Variants in B4GALT6 observed in about 807,000 individuals in gnomAD.
B4GALT6 encodes the protein beta-1,4-galactosyltransferase 6, also known as UDP-Gal:beta-GlcNAc beta-1,4-galactosyltransferase 6.
B4GALT6 carries 14 observed loss-of-function variants against 46.3 expected under a neutral mutation model. The observed-to-expected ratio is 0.30, with a 90% confidence interval of 0.20 to 0.47. The LOEUF is 0.47. Ranked by LOEUF, B4GALT6 falls within the 20% of genes least tolerant of loss-of-function variation. The pLI, the probability that B4GALT6 is intolerant of heterozygous loss-of-function variation, is 0.99. For missense variants in B4GALT6, 386 were observed against 480.1 expected (o/e 0.80, Z 1.83); for synonymous variants, 168 against 162.0 (o/e 1.04, Z -0.28).
At chr18:31,704,743 T>C in the B4GALT6 span, among the ~76,000 whole-genome samples, 1 of 151,980 alleles carries the variant, frequency 6.6e-6, no homozygotes, top group South Asian at 2.1e-4. Flanking sequence ...CATGGAAGAG[T>C]TTTTTTCATA....
chr18:31,685,746 A>G, upstream of B4GALT6: 1 of 152,272 alleles, frequency 6.6e-6, no homozygotes, highest in South Asian at 2.1e-4. Flanking sequence ...GGAAAAGGGC[A>G]TCTCCAAAAG....
chr18:31,632,963 C>T (rs1791169), intron 5 of B4GALT6, among the ~76,000 whole-genome samples: 56,599 of 151,834 alleles, frequency 0.37, 10,708 homozygotes, highest in Middle Eastern at 0.49. Context: ...GTCTTCATTC[C>T]CTAAATCACC....
chr18:31,680,932 C>G (rs1237799206), intron 1 of B4GALT6, among the ~76,000 whole-genome samples: 2 of 152,216 alleles, frequency 1.3e-5, no homozygotes, highest in African/African-American at 4.8e-5. Context: ...TGACTAGGAT[C>G]CCTTTGCTCA....
chr18:31,673,839 G>C (rs1200971874), intron 1 of B4GALT6, among the ~76,000 whole-genome samples: 1 of 152,106 alleles, frequency 6.6e-6, no homozygotes, highest in Non-Finnish European at 1.5e-5. Flanking sequence ...GAGATGAGGA[G>C]ATCATCCTGG....
the B4GALT6 span, among the ~76,000 whole-genome samples, chr18:31,703,406 A>C: frequency 6.6e-6 from 1 of 152,172 alleles, no homozygotes; most frequent in East Asian, 1.9e-4. Flanking sequence ...AGAAAAGCCA[A>C]CCACATCTAC....
chr18:31,679,895 C>A (rs1466330157), intron 1 of B4GALT6, among the ~76,000 whole-genome samples: 9 of 152,222 alleles, frequency 5.9e-5, no homozygotes, highest in African/African-American at 2.2e-4. Context: ...ATCCATTCAA[C>A]TCTGCCCTGA....
chr18:31,678,082 T>A (rs1225713247), intron 1 of B4GALT6, among the ~76,000 whole-genome samples: 1 of 152,144 alleles, frequency 6.6e-6, no homozygotes, highest in Non-Finnish European at 1.5e-5. Context: ...GAGGAGCAGG[T>A]CTGCCCTTTT....
rs141969960 is a variant in B4GALT6, at chr18:31,625,971, C to A, written c.1002-210G>T. 6.6e-5 allele frequency among the ~76,000 whole-genome samples: 10 copies of A among 152,216 alleles called. No homozygotes were observed. The East Asian group carries it at 1.9e-3, about 29-fold the overall frequency. ...AATGCCACCTGAAAAAATTATTTTG[C>A]ACTTTTACAATTAGACATCTTTAAT... On this transcript the variant is annotated intron_variant, in intron 8 of 8. Transcript: ENST00000306851.
At chr18:31,709,414 T>G in the B4GALT6 span, among the ~76,000 whole-genome samples, 1 of 144,786 alleles carries the variant, frequency 6.9e-6, no homozygotes, top group Non-Finnish European at 1.5e-5. Context: ...TATGTGACAA[T>G]GAACATTCTG....
intron 3 of B4GALT6, among the ~76,000 whole-genome samples, chr18:31,656,248 A>G (rs1241882017): frequency 6.6e-6 from 1 of 152,218 alleles, no homozygotes; most frequent in East Asian, 1.9e-4. Context: ...AATTTCCTCA[A>G]TTAAAAAAGC....
At chr18:31,683,110 A>G (rs1395928027) in intron 1 of B4GALT6, among the ~76,000 whole-genome samples, 2 of 152,234 alleles carry the variant, frequency 1.3e-5, no homozygotes, top group African/African-American at 4.8e-5. Flanking sequence ...GAGTTTATAC[A>G]CCTCACTGAA....
chr18:31,642,861 T>G (rs2073947549), intron 4 of B4GALT6, among the ~76,000 whole-genome samples: 1 of 152,174 alleles, frequency 6.6e-6, no homozygotes, highest in Non-Finnish European at 1.5e-5. Flanking sequence ...ATTTTTTTAT[T>G]TTTAGTAGAG....
chr18:31,675,324 C>G (rs1252952817), intron 1 of B4GALT6, among the ~76,000 whole-genome samples: 5 of 152,198 alleles, frequency 3.3e-5, no homozygotes, highest in Admixed American at 3.3e-4. Context: ...TATTGAGTGT[C>G]TGCCGTTTAC....
At chr18:31,628,900 A>G (rs1005867785) in intron 6 of B4GALT6, among the ~76,000 whole-genome samples, 1 of 152,198 alleles carries the variant, frequency 6.6e-6, no homozygotes. Flanking sequence ...CTTTTTCAAT[A>G]AAAGTTACAT....
the B4GALT6 span, among the ~76,000 whole-genome samples, chr18:31,706,373 G>A: frequency 6.6e-6 from 1 of 152,152 alleles, no homozygotes; most frequent in Admixed American, 6.5e-5. Context: ...CCTCATGCCT[G>A]TAATCCCAGC....
chr18:31,714,968 A>C, the B4GALT6 span, among the ~76,000 whole-genome samples: 1 of 152,218 alleles, frequency 6.6e-6, no homozygotes, highest in East Asian at 1.9e-4. Context: ...TTCCCAGTTA[A>C]ATCTGAGCTT....
At chr18:31,649,699 C>A (rs558947618) in intron 3 of B4GALT6, among the ~76,000 whole-genome samples, 1 of 151,270 alleles carries the variant, frequency 6.6e-6, no homozygotes, top group Non-Finnish European at 1.5e-5. Context: ...ATTAAAACCA[C>A]GATAAGACAG....
Position 31,623,823 on chromosome 18 carries a change from C to A in B4GALT6, c.*1791G>T, listed in dbSNP as rs551633059. The A allele has an allele frequency of 2.0e-5, 3 of 151,818 alleles. No individual in the cohort carries two copies. In the East Asian group the frequency reaches 5.8e-4, roughly 29 times the overall value. The allele number at this position is 151,818 out of a possible 1,614,324, so 9.4% of individuals were successfully genotyped here. On this transcript the variant is annotated 3_prime_UTR_variant, in exon 9 of 9. Coordinates refer to ENST00000306851, the MANE Select transcript of B4GALT6 (RefSeq NM_004775.5). ...GTGGTCATTTGTGTTATCAATATTGCCATAAAAATGACACTTCAAAATAAA... is the reference window on the plus strand; with the variant it reads ...GTGGTCATTTGTGTTATCAATATTGACATAAAAATGACACTTCAAAATAAA...
intron 3 of B4GALT6, among the ~76,000 whole-genome samples, chr18:31,655,467 C>T (rs911079719): frequency 2.6e-5 from 4 of 152,146 alleles, no homozygotes; most frequent in African/African-American, 4.8e-5. Flanking sequence ...TGAGACCCCT[C>T]CCCACCCCCA....
Sources: allele counts gnomAD v4.1 joint callset (sites outside exome capture counted in the v4.1 genomes callset), GRCh38; gene constraint gnomAD v4.1.1; transcripts MANE v1.5; gene names NCBI Gene and HGNC (gene_info 2026-07-23, HGNC 2026-07-21).